Variants in SMYD3 observed in about 807,000 individuals in gnomAD.
SMYD3 encodes the protein SET and MYND domain containing 3.
In SMYD3, 36 loss-of-function variants were observed where a neutral mutation model predicts 57.7. The observed-to-expected ratio is 0.62, with a 90% CI of 0.48 to 0.82. SMYD3 has a LOEUF of 0.82. Ranked by LOEUF, SMYD3 falls within the 40% of genes least tolerant of loss-of-function variation. The pLI is 0.00. For missense variants in SMYD3, 515 were observed against 538.8 expected (o/e 0.96, Z 0.44); for synonymous variants, 211 against 195.0 (o/e 1.08, Z -0.68).
intron 5 of SMYD3, chr1:245,947,305 ACT>A (rs757123562): frequency 1.8e-5 from 8 of 450,624 alleles, no homozygotes; most frequent in African/African-American, 4.0e-5. Flanking sequence ...AAGCCTTGGC[ACT>A]CTGTCATGTG....
intron 8 of SMYD3, among the ~76,000 whole-genome samples, chr1:245,887,576 G>A (rs2053157274): frequency 1.3e-5 from 2 of 152,102 alleles, no homozygotes; most frequent in Admixed American, 1.3e-4. Context: ...GAATCTCTTT[G>A]AAACCATCTC....
Position 246,282,748 on chromosome 1 carries a change from T to G in SMYD3, c.531+44453A>C, listed in dbSNP as rs143761213. On this transcript the variant is annotated intron_variant, in intron 5 of 11. Coordinates refer to ENST00000490107, the MANE Select transcript of SMYD3 (RefSeq NM_001167740.2). ...AATGTTGCTTCTAGCAGATGAGACT[T>G]CTGCTTCAACATATGTTATGGGGAA... 2.5e-3 allele frequency among the ~76,000 whole-genome samples: 375 copies of G among 152,318 alleles called. 1 individual carries two copies. The highest frequency in any genetic ancestry group is 8.6e-3 in the African/African-American group (357 of 41,572).
At chr1:245,829,089 T>C (rs4654128) in intron 10 of SMYD3, among the ~76,000 whole-genome samples, 117,557 of 141,082 alleles carry the variant, frequency 0.83, 50,627 homozygotes, top group Non-Finnish European at 0.94. Context: ...TTTTTTTTTC[T>C]GTACTGCCCT....
At chr1:246,243,787 G>A (rs1469995549) in intron 5 of SMYD3, among the ~76,000 whole-genome samples, 1 of 151,918 alleles carries the variant, frequency 6.6e-6, no homozygotes, top group African/African-American at 2.4e-5. Flanking sequence ...AAAGTTTGGT[G>A]TAGAAAGAAT....
intron 1 of SMYD3, among the ~76,000 whole-genome samples, chr1:246,436,209 C>T (rs1030723118): frequency 7.0e-6 from 1 of 143,220 alleles, no homozygotes; most frequent in South Asian, 2.2e-4. Context: ...AAAAACTATA[C>T]AACAATAGAA....
chr1:246,201,033 C>T (rs1159879387), intron 5 of SMYD3, among the ~76,000 whole-genome samples: 1 of 152,222 alleles, frequency 6.6e-6, no homozygotes, highest in African/African-American at 2.4e-5. Context: ...TTTCTCACAA[C>T]ATATTCAGCA....
intron 1 of SMYD3, among the ~76,000 whole-genome samples, chr1:246,408,062 A>G (rs1049323131): frequency 6.6e-6 from 1 of 151,668 alleles, no homozygotes; most frequent in African/African-American, 2.4e-5. Context: ...GGCCTCTTTT[A>G]TGAGGGCGCT....
At chr1:246,157,646 CT>C (rs34008506) in intron 5 of SMYD3, among the ~76,000 whole-genome samples, 5 of 151,950 alleles carry the variant, frequency 3.3e-5, no homozygotes, top group African/African-American at 9.7e-5. Context: ...TAAGCTTTGT[CT>C]TTTTTCCCCC....
chr1:246,195,002 T>C (rs2062809321), intron 5 of SMYD3, among the ~76,000 whole-genome samples: 1 of 152,244 alleles, frequency 6.6e-6, no homozygotes, highest in Admixed American at 6.5e-5. Context: ...TTCTACGCTA[T>C]ACTTGGCCTA....
At chr1:246,117,935 G>A (rs1191297712) in intron 5 of SMYD3, among the ~76,000 whole-genome samples, 1 of 152,096 alleles carries the variant, frequency 6.6e-6, no homozygotes, top group Non-Finnish European at 1.5e-5. Flanking sequence ...AGAGATAATA[G>A]TTACAATATC....
chr1:246,009,803 A>G (rs547798282), intron 5 of SMYD3, among the ~76,000 whole-genome samples: 1 of 98,916 alleles, frequency 1.0e-5, no homozygotes, highest in Non-Finnish European at 2.1e-5. Context: ...CTCATGTAAG[A>G]TCTTTTTTTT....
chr1:246,168,712 C>A (rs981602180), intron 5 of SMYD3, among the ~76,000 whole-genome samples: 1 of 152,180 alleles, frequency 6.6e-6, no homozygotes, highest in African/African-American at 2.4e-5. Flanking sequence ...TTTCTGCCCA[C>A]ACACAAAAAT....
At chr1:246,498,340 C>T (rs1326782126) in intron 1 of SMYD3, among the ~76,000 whole-genome samples, 1 of 152,180 alleles carries the variant, frequency 6.6e-6, no homozygotes. Context: ...CATTATGGAG[C>T]TATAACGAAT....
intron 4 of SMYD3, among the ~76,000 whole-genome samples, chr1:246,327,714 A>T (rs2148661762): frequency 6.6e-6 from 1 of 152,342 alleles, no homozygotes; most frequent in African/African-American, 2.4e-5. Context: ...TCCATGAAAT[A>T]ATTTACAACT....
chr1:246,397,380 T>A (rs1186341852), intron 1 of SMYD3, among the ~76,000 whole-genome samples: 1 of 152,108 alleles, frequency 6.6e-6, no homozygotes, highest in Non-Finnish European at 1.5e-5. Context: ...GCCAAAAAGG[T>A]TGGGACTGCT....
chr1:245,900,520 C>G (rs777416044), intron 8 of SMYD3, among the ~76,000 whole-genome samples: 2 of 152,176 alleles, frequency 1.3e-5, no homozygotes, highest in African/African-American at 4.8e-5. Context: ...TGGAGGAAGA[C>G]AGAAGGATTT....
In SMYD3 at chr1:246,228,540, G is replaced by C. The variant is rs566563248; in HGVS notation, c.531+98661C>G. Among the ~76,000 whole-genome samples the C allele has an allele frequency of 9.7e-4, 148 of 152,218 alleles. 1 individual carries two copies. The highest frequency in any genetic ancestry group is 3.4e-3 in the African/African-American group (143 of 41,534). On this transcript the variant is annotated intron_variant, in intron 5 of 11. Coordinates refer to ENST00000490107, the MANE Select transcript of SMYD3 (RefSeq NM_001167740.2). ...AGCAACAGTTGATGGCACTTGACCT[G>C]ATCTCTTTCCTGGTCCATTGCCTAT...
At chr1:246,100,124 TC>T (rs2060983019) in intron 5 of SMYD3, among the ~76,000 whole-genome samples, 1 of 152,162 alleles carries the variant, frequency 6.6e-6, no homozygotes, top group Non-Finnish European at 1.5e-5. Context: ...GGTAAGAGGA[TC>T]CCTTGAGCCC....
chr1:246,160,882 G>C (rs1345541980), intron 5 of SMYD3, among the ~76,000 whole-genome samples: 2 of 152,178 alleles, frequency 1.3e-5, no homozygotes, highest in Admixed American at 1.3e-4. Context: ...TAGAGATGGT[G>C]AATGTAAAAG....
Sources: allele counts gnomAD v4.1 joint callset (sites outside exome capture counted in the v4.1 genomes callset), GRCh38; gene constraint gnomAD v4.1.1; transcripts MANE v1.5; gene names NCBI Gene and HGNC (gene_info 2026-07-23, HGNC 2026-07-21).